Variants in FANCC observed in about 807,000 individuals in gnomAD.
FANCC encodes the protein Fanconi anemia group C protein.
Under a neutral mutation model 71.3 loss-of-function variants are expected in FANCC, and 55 were observed. The ratio of observed to expected loss-of-function variants is 0.77; its 90% CI spans 0.62 to 0.97. The LOEUF (loss-of-function observed/expected upper bound fraction) is 0.97, where lower values mean the gene tolerates loss of function less well. Among genes scored for constraint, FANCC ranks in the 50% least tolerant of loss-of-function variants. The probability of loss-of-function intolerance (pLI) is 0.00; values close to 1 mark genes in which losing one functional copy is unlikely to be tolerated. For missense variants in FANCC, 678 were observed against 670.9 expected, an observed-to-expected ratio of 1.01 and a Z score of -0.12; for synonymous variants, 275 against 244.9, an observed-to-expected ratio of 1.12 and a Z score of -1.15.
chr9:95,289,536 A>G (rs1833884974), intron 1 of FANCC, among the ~76,000 whole-genome samples: 1 of 152,266 alleles, frequency 6.6e-6, no homozygotes, highest in South Asian at 2.1e-4. Context: ...TTGAGCTAAA[A>G]TTCTAAATGA....
At chr9:95,213,746 G>A (rs1828661164) in intron 4 of FANCC, among the ~76,000 whole-genome samples, 1 of 152,080 alleles carries the variant, frequency 6.6e-6, no homozygotes, top group South Asian at 2.1e-4. Flanking sequence ...CAACAGATTT[G>A]GCAATGATTT....
At chr9:95,231,568 TCTCA>T (rs1269162130) in intron 4 of FANCC, among the ~76,000 whole-genome samples, 2 of 152,098 alleles carry the variant, frequency 1.3e-5, no homozygotes, top group African/African-American at 4.8e-5. Context: ...TAAAACCCAG[TCTCA>T]CTCACCATTC....
chr9:95,218,511 A>C lies in FANCC; in HGVS notation c.345+22138T>G, dbSNP rs1233342122. Among the ~76,000 whole-genome samples the C allele has an allele frequency of 2.6e-5, 4 of 152,342 alleles. No individual in the cohort carries two copies. In the East Asian group the frequency reaches 7.7e-4, roughly 29 times the overall value. On this transcript the variant is annotated intron_variant, in intron 4 of 14. Transcript: ENST00000289081. ...ATTACCCTGATGTCGAAACAAAGACACTGTAAGAAAACAACAGATCAATAT... is the reference window on the plus strand; with the variant it reads ...ATTACCCTGATGTCGAAACAAAGACCCTGTAAGAAAACAACAGATCAATAT...
At chr9:95,152,344 G>C (rs1300663088) in intron 6 of FANCC, among the ~76,000 whole-genome samples, 1 of 152,200 alleles carries the variant, frequency 6.6e-6, no homozygotes, top group Non-Finnish European at 1.5e-5. Flanking sequence ...ACTCAGAAGT[G>C]ACAGAAATTT....
At position 95,211,013 on chromosome 9, in the gene FANCC, G is replaced by A. The variant is rs186774827; in HGVS notation, c.345+29636C>T. Among the ~76,000 whole-genome samples, 51 of 152,138 alleles carry A rather than the reference G, an allele frequency of 3.4e-4. No individual in the cohort carries two copies. In the South Asian group the frequency reaches 4.8e-3, roughly 14 times the overall value. On this transcript the variant is annotated intron_variant, in intron 4 of 14. Transcript: ENST00000289081. ...TGAAGGCTTACCAATTTTTTCAAAG[G>A]ATTTTAAAGCACTCCAGTTGTCTTC...
At chr9:95,130,972 CTAAA>C (rs1436496651) in intron 8 of FANCC, among the ~76,000 whole-genome samples, 5 of 152,170 alleles carry the variant, frequency 3.3e-5, no homozygotes, top group Admixed American at 6.5e-5. Context: ...ACATAAGACT[CTAAA>C]TATCCCTTTT....
chr9:95,266,671 A>C (rs566328609), intron 1 of FANCC, among the ~76,000 whole-genome samples: 2 of 152,294 alleles, frequency 1.3e-5, no homozygotes, highest in Non-Finnish European at 2.9e-5. Context: ...TACCACCAAA[A>C]TGAAAAATAG....
chr9:95,142,550 T>G (rs1223861063), intron 7 of FANCC: 1 of 152,242 alleles, frequency 6.6e-6, no homozygotes, highest in Non-Finnish European at 1.5e-5. Context: ...ACGCTAATGG[T>G]TACGGGGTAT....
intron 8 of FANCC, among the ~76,000 whole-genome samples, chr9:95,133,963 G>A (rs904774879): frequency 1.3e-5 from 2 of 152,114 alleles, no homozygotes; most frequent in African/African-American, 2.4e-5. Context: ...TGACTCTTCC[G>A]GATGGTAAGG....
rs563741013 is a variant in FANCC, at chr9:95,130,669, C to T, written c.844-4088G>A. On this transcript the variant is annotated intron_variant, in intron 8 of 14. Coordinates refer to ENST00000289081, the MANE Select transcript of FANCC (RefSeq NM_000136.3). Reference sequence around the variant, plus strand: ...CTTCCCCTCCAGTTTACCCAGCAGCCGGACAATCCCGTCCCACCGTGTAGC... The same window carrying T: ...CTTCCCCTCCAGTTTACCCAGCAGCTGGACAATCCCGTCCCACCGTGTAGC... 2.6e-4 allele frequency among the ~76,000 whole-genome samples: 39 copies of T among 152,244 alleles called. 1 individual carries two copies. Among genetic ancestry groups the T allele is most frequent in the Admixed American group, 2.2e-3 (34 of 15,292 alleles).
intron 1 of FANCC, among the ~76,000 whole-genome samples, chr9:95,270,204 C>A (rs1013354194): frequency 1.3e-5 from 2 of 152,122 alleles, no homozygotes; most frequent in African/African-American, 4.8e-5. Flanking sequence ...TCAGCCTCTC[C>A]CATGCCTTAG....
chr9:95,292,821 A>T, intron 1 of FANCC: 1 of 1,580,078 alleles, frequency 6.3e-7, no homozygotes, highest in South Asian at 1.1e-5. Context: ...CCATGCTGAG[A>T]AGAAGCACAA....
chr9:95,188,835 A>G (rs1381975763), intron 4 of FANCC, among the ~76,000 whole-genome samples: 1 of 152,140 alleles, frequency 6.6e-6, no homozygotes, highest in Non-Finnish European at 1.5e-5. Context: ...CCTCAAGCCT[A>G]ATCTGCCTGA....
Position 95,099,426 on chromosome 9 carries a change from G to A in FANCC, c.*2281C>T, listed in dbSNP as rs1478744087. 1 of 226,132 alleles carries A rather than the reference G, an allele frequency of 4.4e-6. No individual in the cohort carries two copies. Among genetic ancestry groups the A allele is most frequent in the Non-Finnish European group, 8.7e-6 (1 of 114,684 alleles). 14.0% of individuals were successfully genotyped at this position (226,132 alleles called of 1,614,324 possible). A position where few individuals can be genotyped will look rare whatever the true frequency, so the allele number is the denominator to read the frequency against. On this transcript the variant is annotated 3_prime_UTR_variant, in exon 15 of 15. Coordinates refer to ENST00000289081, the MANE Select transcript of FANCC (RefSeq NM_000136.3). Reference sequence around the variant, plus strand: ...CCGCCAACGCCGTCAAGGCCCCCTCGGCCACGCCGCGTCCCCGCCCAGCAT... The same window carrying A: ...CCGCCAACGCCGTCAAGGCCCCCTCAGCCACGCCGCGTCCCCGCCCAGCAT...
At chr9:95,221,393 T>C (rs1043527678) in intron 4 of FANCC, among the ~76,000 whole-genome samples, 6 of 152,122 alleles carry the variant, frequency 3.9e-5, no homozygotes, top group Non-Finnish European at 7.4e-5. Flanking sequence ...CATAAAACTT[T>C]TGGAAGAAAA....
chr9:95,261,025 C>T (rs1462158539), intron 1 of FANCC, among the ~76,000 whole-genome samples: 1 of 152,200 alleles, frequency 6.6e-6, no homozygotes, highest in Non-Finnish European at 1.5e-5. Flanking sequence ...AACCTGCTGT[C>T]TGGACCCCCT....
At chr9:95,204,746 T>C (rs1028988166) in intron 4 of FANCC, among the ~76,000 whole-genome samples, 10 of 152,200 alleles carry the variant, frequency 6.6e-5, no homozygotes, top group African/African-American at 2.4e-4. Context: ...TCAATTTATA[T>C]AGAAGAAACA....
At chr9:95,248,346 G>A (rs1831123692) in intron 2 of FANCC, among the ~76,000 whole-genome samples, 2 of 152,114 alleles carry the variant, frequency 1.3e-5, no homozygotes, top group South Asian at 2.1e-4. Context: ...TAAAGGTCAA[G>A]TTACGTATGT....
chr9:95,126,005 G>A (rs556286662), intron 9 of FANCC, among the ~76,000 whole-genome samples: 84 of 152,280 alleles, frequency 5.5e-4, no homozygotes, highest in African/African-American at 1.3e-3. Context: ...GTCTCTTGCC[G>A]TCTGTAAATC....
Sources: allele counts gnomAD v4.1 joint callset (sites outside exome capture counted in the v4.1 genomes callset), GRCh38; gene constraint gnomAD v4.1.1; transcripts MANE v1.5; gene names NCBI Gene and HGNC (gene_info 2026-07-23, HGNC 2026-07-21).